The following SHANK2 variants were observed in gnomAD, a reference collection of about 807,000 sequenced individuals.
SHANK2 encodes SH3 and multiple ankyrin repeat domains protein 2.
SHANK2 carries 43 observed loss-of-function variants against 133.7 expected under a neutral mutation model. That is an observed-to-expected ratio of 0.32 (90% confidence interval 0.25 to 0.41). SHANK2 has a LOEUF of 0.41. Ranked by LOEUF, SHANK2 falls within the 10% of genes least tolerant of loss-of-function variation. The pLI is 1.00. For missense variants in SHANK2, 1,994 were observed against 2,235.8 expected (o/e 0.89, Z 2.18); for synonymous variants, 1,017 against 952.8 (o/e 1.07, Z -1.24).
intron 10 of SHANK2, among the ~76,000 whole-genome samples, chr11:70,935,759 G>A (rs1036237865): frequency 1.3e-5 from 2 of 152,144 alleles, no homozygotes; most frequent in East Asian, 1.9e-4. Flanking sequence ...GATCTGAAAG[G>A]CCTACTCCAA....
chr11:71,137,486 G>A (rs190025923), intron 3 of SHANK2, among the ~76,000 whole-genome samples: 2 of 152,196 alleles, frequency 1.3e-5, no homozygotes, highest in East Asian at 1.9e-4. Flanking sequence ...CCCAAAGGAG[G>A]CTGCAGCAGG....
chr11:70,869,025 A>G (rs1280643751), intron 11 of SHANK2, among the ~76,000 whole-genome samples: 8 of 152,236 alleles, frequency 5.3e-5, no homozygotes, highest in Non-Finnish European at 1.0e-4. Flanking sequence ...ACTAAATTAA[A>G]GTGAGGCCAG....
chr11:70,731,059 C>T (rs536170545), intron 14 of SHANK2, among the ~76,000 whole-genome samples: 45 of 152,174 alleles, frequency 3.0e-4, no homozygotes, highest in African/African-American at 8.2e-4. Flanking sequence ...GAAGCCCCAA[C>T]GCCTAATTTG....
At chr11:70,874,369 C>A (rs1428416344) in intron 11 of SHANK2, among the ~76,000 whole-genome samples, 1 of 152,054 alleles carries the variant, frequency 6.6e-6, no homozygotes, top group Non-Finnish European at 1.5e-5. Context: ...TCTATTGAGA[C>A]AGGGTCTCTG....
intron 17 of SHANK2, among the ~76,000 whole-genome samples, chr11:70,625,646 C>A (rs1307422060): frequency 6.6e-6 from 1 of 151,888 alleles, no homozygotes; most frequent in Non-Finnish European, 1.5e-5. Context: ...CTTAGGAAAT[C>A]TGAGCAGGCT....
In SHANK2 at chr11:70,471,478, A is replaced by C. The variant is rs1213085262; in HGVS notation, c.*1391T>G. 3 of 398,450 alleles carry C rather than the reference A, an allele frequency of 7.5e-6. No individual in the cohort carries two copies. The highest frequency in any genetic ancestry group is 8.8e-6 in the Non-Finnish European group (2 of 226,040). The allele number at this position is 398,450 out of a possible 1,614,324, so 24.7% of individuals were successfully genotyped here. On this transcript the variant is annotated 3_prime_UTR_variant, in exon 26 of 26. Coordinates refer to ENST00000601538, the MANE Select transcript of SHANK2 (RefSeq NM_012309.5). The surrounding 1 kb of genome is among the most constrained non-coding windows in gnomAD (Gnocchi z 4.1). ...GGGGTGGAGGGACTCCGGGGAAAGA[A>C]AGGGGCGGGGCTCAAGAAAGCCTTG...
chr11:70,583,808 T>C (rs1441608192), intron 17 of SHANK2, among the ~76,000 whole-genome samples: 1 of 152,122 alleles, frequency 6.6e-6, no homozygotes, highest in Non-Finnish European at 1.5e-5. Context: ...GATCTCACCA[T>C]CACCCCACGG....
chr11:71,189,660 A>G (rs1953749385), intron 2 of SHANK2, among the ~76,000 whole-genome samples: 3 of 152,184 alleles, frequency 2.0e-5, no homozygotes, highest in African/African-American at 7.2e-5. Context: ...TTGGCCTCCC[A>G]AAGTGCTGGG....
At chr11:70,740,128 G>A (rs1264159952) in intron 14 of SHANK2, among the ~76,000 whole-genome samples, 1 of 151,370 alleles carries the variant, frequency 6.6e-6, no homozygotes, top group Non-Finnish European at 1.5e-5. Context: ...AGGACAGACA[G>A]TGCCTGCCAC....
chr11:70,850,583 A>G (rs1208457436), intron 11 of SHANK2, among the ~76,000 whole-genome samples: 2 of 152,194 alleles, frequency 1.3e-5, no homozygotes, highest in South Asian at 2.1e-4. Flanking sequence ...TGTCCTCACC[A>G]TGCACGCCCG....
intron 14 of SHANK2, among the ~76,000 whole-genome samples, chr11:70,730,051 A>G (rs1157830457): frequency 2.0e-5 from 3 of 151,934 alleles, no homozygotes; most frequent in African/African-American, 7.3e-5. Context: ...ACCATTGCAG[A>G]TGTGTCGGGC....
In SHANK2 at chr11:71,236,330, C is replaced by A. The variant is rs562692681; in HGVS notation, c.-112-11534G>T. 3.0e-4 allele frequency among the ~76,000 whole-genome samples: 45 copies of A among 152,306 alleles called. 1 individual carries two copies. In the South Asian group the frequency reaches 9.3e-3, roughly 32 times the overall value. ...AAAGCATCAAAACCCAACATGAGGG[C>A]GGGCGTGGTGGCTCATGCCTGTAAT... On this transcript the variant is annotated intron_variant, in intron 1 of 25. Transcript: ENST00000601538.
chr11:70,904,109 T>C (rs1333264798), intron 10 of SHANK2, among the ~76,000 whole-genome samples: 1 of 152,216 alleles, frequency 6.6e-6, no homozygotes, highest in African/African-American at 2.4e-5. Context: ...ATGGGGGCAC[T>C]TGTTCCTCGC....
rs540993017 is a variant in SHANK2, at chr11:70,804,335, C to A, written c.1663+2667G>T. Among the ~76,000 whole-genome samples, 5 of 152,216 alleles carry A rather than the reference C, an allele frequency of 3.3e-5. No homozygotes were observed. The highest frequency in any genetic ancestry group is 9.6e-5 in the African/African-American group (4 of 41,464). Reference sequence around the variant, plus strand: ...CGATGGGGAGGAGGCACCGACAGCTCGGCAGGAAGGAAGAGCGGTGCCACT... The same window carrying A: ...CGATGGGGAGGAGGCACCGACAGCTAGGCAGGAAGGAAGAGCGGTGCCACT... On this transcript the variant is annotated intron_variant, in intron 13 of 25. Coordinates refer to ENST00000601538, the MANE Select transcript of SHANK2 (RefSeq NM_012309.5). The surrounding 1 kb of genome is among the most constrained non-coding windows in gnomAD (Gnocchi z 4.1).
chr11:70,931,742 C>T (rs782704328), intron 10 of SHANK2, among the ~76,000 whole-genome samples: 6 of 152,216 alleles, frequency 3.9e-5, no homozygotes, highest in Non-Finnish European at 8.8e-5. Context: ...AAGGTGCTGG[C>T]GCCAAGCGTC....
chr11:70,839,187 C>T (rs1368358012), intron 11 of SHANK2, among the ~76,000 whole-genome samples: 2 of 152,226 alleles, frequency 1.3e-5, no homozygotes, highest in Non-Finnish European at 2.9e-5. Flanking sequence ...GAGAAGTCAT[C>T]CAATAGGCTC....
At chr11:70,805,224 C>T (rs782159384) in intron 13 of SHANK2, among the ~76,000 whole-genome samples, 6 of 152,158 alleles carry the variant, frequency 3.9e-5, no homozygotes, top group Non-Finnish European at 5.9e-5. Flanking sequence ...CACAGAGGAG[C>T]AGCTCCCACC....
chr11:70,855,867 G>C (rs912429497), intron 11 of SHANK2, among the ~76,000 whole-genome samples: 9 of 151,722 alleles, frequency 5.9e-5, no homozygotes, highest in Non-Finnish European at 1.0e-4. Flanking sequence ...AAGTGAATGA[G>C]CAGAAACACT....
chr11:71,143,115 A>G (rs1458777890), intron 3 of SHANK2, among the ~76,000 whole-genome samples: 1 of 152,210 alleles, frequency 6.6e-6, no homozygotes, highest in Admixed American at 6.5e-5. Context: ...GGCGCCTGAA[A>G]TCCCAGCAAC....
Sources: allele counts gnomAD v4.1 joint callset (sites outside exome capture counted in the v4.1 genomes callset), GRCh38; gene constraint gnomAD v4.1.1; non-coding constraint Gnocchi (gnomAD v3.1); transcripts MANE v1.5; gene names NCBI Gene and HGNC (gene_info 2026-07-23, HGNC 2026-07-21).